OR1J2: variants seen among roughly 807,000 people sequenced by gnomAD.
OR1J2 encodes the protein olfactory receptor family 1 subfamily J member 2.
For synonymous variants in OR1J2, 142 were observed against 99.7 expected (o/e 1.42, Z -2.52); for missense variants, 304 against 246.1 (o/e 1.24, Z -1.57).
chr9:122,478,000 CTG>C, the OR1J2 span: 1 of 1,024,062 alleles, frequency 9.8e-7, no homozygotes, highest in South Asian at 1.5e-5. Context: ...GAAATGATAA[CTG>C]TGGCATAGTA....
Position 122,511,217 on chromosome 9 carries a change from A to G in OR1J2, c.416A>G (p.Glu139Gly), listed in dbSNP as rs1433639644. Residue 139 changes from glutamate to glycine, a missense_variant, in exon 1 of 1, where the codon GAG becomes GGG. Transcript: ENST00000335302. ...PLHYTVIMRE[E>G]LCVFLVAVSW... ...CACTACACTGTCATCATGAGGGAAG[A>G]GCTCTGTGTCTTCTTAGTGGCTGTA... 6 of 746,978 alleles carry G rather than the reference A, an allele frequency of 8.0e-6. No individual in the cohort carries two copies. The highest frequency in any genetic ancestry group is 6.9e-5 in the African/African-American group (4 of 58,008). 46.3% of individuals were successfully genotyped at this position (746,978 alleles called of 1,614,324 possible).
chr9:122,520,741 C>T, the OR1J2 span, among the ~76,000 whole-genome samples: 1 of 152,330 alleles, frequency 6.6e-6, no homozygotes, highest in East Asian at 1.9e-4. Context: ...AGTCAGGAGC[C>T]TTCTGTTGCC....
chr9:122,477,600 G>A, the OR1J2 span: 1 of 1,614,170 alleles, frequency 6.2e-7, no homozygotes, highest in Non-Finnish European at 8.5e-7. Context: ...AACTGTCTAA[G>A]TCAGCAAAAA....
At chr9:122,539,213 A>G in the OR1J2 span, among the ~76,000 whole-genome samples, 26 of 152,202 alleles carry the variant, frequency 1.7e-4, no homozygotes, top group African/African-American at 6.3e-4. Context: ...GGTGTACTGC[A>G]CCCATTAACT....
chr9:122,550,908 A>G, the OR1J2 span, among the ~76,000 whole-genome samples: 1 of 152,026 alleles, frequency 6.6e-6, no homozygotes, highest in Admixed American at 6.6e-5. Context: ...GGAAGTCCTT[A>G]ACCAGAACAA....
the OR1J2 span, among the ~76,000 whole-genome samples, chr9:122,460,620 T>C: frequency 1.3e-5 from 2 of 152,142 alleles, no homozygotes; most frequent in Non-Finnish European, 2.9e-5. Flanking sequence ...CATATGAATT[T>C]TAGGATTGTT....
At chr9:122,468,032 T>C in the OR1J2 span, among the ~76,000 whole-genome samples, 1 of 152,212 alleles carries the variant, frequency 6.6e-6, no homozygotes, top group African/African-American at 2.4e-5. Flanking sequence ...TTTCCTATTT[T>C]CTCAAATGTT....
chr9:122,516,300 CTT>C (rs1278693220), downstream of OR1J2, among the ~76,000 whole-genome samples: 2 of 104,142 alleles, frequency 1.9e-5, no homozygotes, highest in Non-Finnish European at 3.6e-5. Context: ...CATACATGGT[CTT>C]TTTTTTTTTT....
At chr9:122,463,741 T>A in the OR1J2 span, among the ~76,000 whole-genome samples, 1 of 152,036 alleles carries the variant, frequency 6.6e-6, no homozygotes, top group Non-Finnish European at 1.5e-5. Flanking sequence ...TCTGGGCTGG[T>A]ATAGGGGAGT....
the OR1J2 span, chr9:122,476,883 T>C: frequency 1.5e-6 from 1 of 661,048 alleles, no homozygotes; most frequent in Non-Finnish European, 2.6e-6. Flanking sequence ...TTTTTTTGTA[T>C]TTTTAGTAGA....
chr9:122,544,101 A>G, the OR1J2 span, among the ~76,000 whole-genome samples: 3 of 152,216 alleles, frequency 2.0e-5, no homozygotes, highest in Non-Finnish European at 4.4e-5. Context: ...GCATAGATCA[A>G]AACATTACAT....
At chr9:122,486,108 C>G in the OR1J2 span, among the ~76,000 whole-genome samples, 5 of 151,870 alleles carry the variant, frequency 3.3e-5, no homozygotes, top group African/African-American at 1.2e-4. Context: ...TTACAGGTGC[C>G]CACTAGCATG....
the OR1J2 span, among the ~76,000 whole-genome samples, chr9:122,487,258 C>A: frequency 1.3e-5 from 2 of 151,860 alleles, no homozygotes; most frequent in African/African-American, 4.8e-5. Flanking sequence ...ATTTTTTAAA[C>A]CTTGAAGAAT....
the OR1J2 span, among the ~76,000 whole-genome samples, chr9:122,459,658 T>C: frequency 2.0e-5 from 3 of 152,204 alleles, no homozygotes; most frequent in African/African-American, 7.2e-5. Context: ...CTCAATGTAG[T>C]TGGACATTTC....
At chr9:122,485,487 C>T in the OR1J2 span, among the ~76,000 whole-genome samples, 4 of 152,176 alleles carry the variant, frequency 2.6e-5, no homozygotes, top group Non-Finnish European at 5.9e-5. Flanking sequence ...TCTAAGTGAA[C>T]ATGTAGTGTG....
chr9:122,518,590 C>CT, the OR1J2 span, among the ~76,000 whole-genome samples: 1 of 152,164 alleles, frequency 6.6e-6, no homozygotes, highest in Non-Finnish European at 1.5e-5. Flanking sequence ...GTAAGATTTA[C>CT]TTTTTTTATG....
Position 122,511,650 on chromosome 9 carries a change from C to T in OR1J2, c.849C>T (p.Pro283=). ...IVALMYTVVT[P]MLNPFIYSLR... ...CTCTCATGTACACGGTGGTCACACC[C>T]ATGTTGAACCCCTTTATCTACAGCC... Residue 283 remains proline, a synonymous_variant, in exon 1 of 1, where the codon CCC becomes CCT. Coordinates refer to ENST00000335302, the MANE Select transcript of OR1J2 (RefSeq NM_054107.1). 6.4e-6 allele frequency: 5 copies of T among 780,970 alleles called. No homozygotes were observed. The highest frequency in any genetic ancestry group is 1.2e-5 in the Non-Finnish European group (5 of 418,120). The allele number at this position is 780,970 out of a possible 1,614,324, so 48.4% of individuals were successfully genotyped here.
the OR1J2 span, among the ~76,000 whole-genome samples, chr9:122,552,755 T>A: frequency 1.5e-4 from 11 of 71,490 alleles, no homozygotes; most frequent in African/African-American, 5.3e-4. Context: ...CTTGAGTGTG[T>A]GTGTGTGTGT....
chr9:122,477,853 G>A, the OR1J2 span: 3 of 1,614,050 alleles, frequency 1.9e-6, no homozygotes, highest in East Asian at 6.7e-5. Flanking sequence ...GAAGAACACG[G>A]CCTGCTGCTC....
Sources: gnomAD v4.1 joint callset for allele counts (sites outside exome capture counted in the v4.1 genomes callset) on GRCh38, gnomAD v4.1.1 for gene constraint, MANE v1.5 for transcripts, NCBI Gene and HGNC (gene_info 2026-07-23, HGNC 2026-07-21) for gene names.